Variants in MIR2052HG observed in about 807,000 individuals in gnomAD.
The protein encoded by MIR2052HG is MIR2052 host gene.
At chr8:74,634,662 G>C (rs1808558971) in intron 2 of MIR2052HG, among the ~76,000 whole-genome samples, 2 of 152,108 alleles carry the variant, frequency 1.3e-5, no homozygotes, top group African/African-American at 4.8e-5. Context: ...CCATGAGTGA[G>C]TAAAGACATT....
At chr8:74,662,817 G>A (rs539271297) in intron 2 of MIR2052HG, among the ~76,000 whole-genome samples, 2 of 151,708 alleles carry the variant, frequency 1.3e-5, no homozygotes, top group Admixed American at 1.3e-4. Context: ...GTAAAAATGA[G>A]AAGGCACTGA....
In MIR2052HG at chr8:74,660,131, G is replaced by A. The variant is rs192888863; in HGVS notation, n.217-42248G>A. Among the ~76,000 whole-genome samples, 100 of 152,288 alleles carry A rather than the reference G, an allele frequency of 6.6e-4. No homozygotes were observed. In the Middle Eastern group the frequency reaches 0.014, roughly 21 times the overall value. ...GGGAAGCCACTAGAAATGGCTAATG[G>A]CTGATCTTTTTCATGAAGTTTTGCT... On this transcript the variant is annotated intron_variant and non_coding_transcript_variant, in intron 2 of 6. Coordinates refer to ENST00000523442, the Ensembl canonical transcript of MIR2052HG.
intron 4 of MIR2052HG, among the ~76,000 whole-genome samples, chr8:74,730,428 G>T (rs1809679722): frequency 6.6e-6 from 1 of 152,146 alleles, no homozygotes; most frequent in African/African-American, 2.4e-5. Flanking sequence ...ATAAGAAAAA[G>T]AACATAGTAC....
At chr8:74,725,789 C>G (rs995284251) in intron 4 of MIR2052HG, among the ~76,000 whole-genome samples, 2 of 152,146 alleles carry the variant, frequency 1.3e-5, no homozygotes, top group Non-Finnish European at 2.9e-5. Flanking sequence ...AGATAATATA[C>G]CTGCCTTTGT....
At chr8:74,607,696 C>T (rs576837535) in intron 1 of MIR2052HG, among the ~76,000 whole-genome samples, 2 of 152,174 alleles carry the variant, frequency 1.3e-5, no homozygotes, top group African/African-American at 4.8e-5. Flanking sequence ...GGAATTTAAC[C>T]CTTTTTCAGT....
chr8:74,758,211 C>T (rs1386845158), intron 6 of MIR2052HG: 3 of 151,922 alleles, frequency 2.0e-5, no homozygotes, highest in African/African-American at 7.3e-5. Flanking sequence ...TCTTTCACTG[C>T]ATGAAAAATA....
chr8:74,741,000 C>A (rs772396734), intron 4 of MIR2052HG, among the ~76,000 whole-genome samples: 1 of 152,194 alleles, frequency 6.6e-6, no homozygotes, highest in Non-Finnish European at 1.5e-5. Context: ...AATACTAAAT[C>A]ATTGCTCCTA....
In MIR2052HG at chr8:74,735,540, A is replaced by G. The variant is rs186017606; in HGVS notation, n.372-16901A>G. ...ATCACACACTCTTTCTGTTGGCACC[A>G]TATTCTCTCATACCCTGCTGCTCAG... On this transcript the variant is annotated intron_variant and non_coding_transcript_variant, in intron 4 of 6. Transcript: ENST00000523442. Among the ~76,000 whole-genome samples, 298 of 152,326 alleles carry G rather than the reference A, an allele frequency of 2.0e-3. No individual in the cohort carries two copies. The Middle Eastern group carries it at 0.02, about 10-fold the overall frequency.
intron 4 of MIR2052HG, among the ~76,000 whole-genome samples, chr8:74,737,933 T>A (rs371602478): frequency 4.6e-5 from 7 of 152,308 alleles, no homozygotes; most frequent in African/African-American, 1.7e-4. Context: ...AAATATTTTG[T>A]TGGGTATAGT....
intron 2 of MIR2052HG, among the ~76,000 whole-genome samples, chr8:74,681,160 A>T (rs2128739065): frequency 6.6e-6 from 1 of 151,862 alleles, no homozygotes; most frequent in South Asian, 2.1e-4. Context: ...ACATGTATAC[A>T]TATGTAACTA....
At chr8:74,682,415 A>G (rs907399709) in intron 2 of MIR2052HG, among the ~76,000 whole-genome samples, 6 of 152,186 alleles carry the variant, frequency 3.9e-5, no homozygotes, top group African/African-American at 1.4e-4. Context: ...TTGTATCAAT[A>G]ACATATAAAG....
intron 2 of MIR2052HG, among the ~76,000 whole-genome samples, chr8:74,637,099 G>C (rs1808589882): frequency 6.6e-6 from 1 of 152,126 alleles, no homozygotes; most frequent in Admixed American, 6.6e-5. Flanking sequence ...AAGGAAGAAA[G>C]GATTCATTTT....
chr8:74,689,968 C>A (rs1021682548), intron 2 of MIR2052HG, among the ~76,000 whole-genome samples: 3 of 151,948 alleles, frequency 2.0e-5, no homozygotes, highest in African/African-American at 4.8e-5. Context: ...ATGTAAGAAC[C>A]AGAGATAGAA....
intron 2 of MIR2052HG, among the ~76,000 whole-genome samples, chr8:74,618,532 A>G (rs921029688): frequency 6.6e-6 from 1 of 152,222 alleles, no homozygotes; most frequent in African/African-American, 2.4e-5. Flanking sequence ...TAACAGAATG[A>G]AGGACAAAAA....
At chr8:74,609,357 A>G (rs1808158001) in intron 1 of MIR2052HG, among the ~76,000 whole-genome samples, 1 of 151,980 alleles carries the variant, frequency 6.6e-6, no homozygotes, top group South Asian at 2.1e-4. Context: ...AGGGAATTCT[A>G]TCAAACATTT....
chr8:74,654,536 C>T (rs1305149609), intron 2 of MIR2052HG, among the ~76,000 whole-genome samples: 1 of 152,062 alleles, frequency 6.6e-6, no homozygotes, highest in Non-Finnish European at 1.5e-5. Context: ...GTGAATAAGT[C>T]TTATGAGATT....
intron 2 of MIR2052HG, among the ~76,000 whole-genome samples, chr8:74,613,733 C>T (rs1054214285): frequency 1.3e-5 from 2 of 152,170 alleles, no homozygotes; most frequent in East Asian, 1.9e-4. Flanking sequence ...GTGATCCACC[C>T]GACTCCGCCT....
At chr8:74,633,964 G>A (rs986936989) in intron 2 of MIR2052HG, among the ~76,000 whole-genome samples, 1 of 152,164 alleles carries the variant, frequency 6.6e-6, no homozygotes, top group African/African-American at 2.4e-5. Context: ...TAGATGTACC[G>A]AGCCTCTTTT....
intron 2 of MIR2052HG, among the ~76,000 whole-genome samples, chr8:74,673,173 A>C (rs1809011635): frequency 6.6e-6 from 1 of 152,082 alleles, no homozygotes; most frequent in Non-Finnish European, 1.5e-5. Context: ...ATTCTTTTAA[A>C]ACCTGAATGT....
Sources: allele counts gnomAD v4.1 joint callset (sites outside exome capture counted in the v4.1 genomes callset), GRCh38; gene constraint gnomAD v4.1.1; transcripts MANE v1.5; gene names NCBI Gene and HGNC (gene_info 2026-07-23, HGNC 2026-07-21).